Variants in CCP110 observed in about 807,000 individuals in gnomAD.
CCP110 encodes centriolar coiled-coil protein of 110 kDa.
A neutral mutation model predicts 105.5 loss-of-function variants in CCP110; 43 were observed. The observed-to-expected ratio is 0.41, with a 90% CI of 0.32 to 0.53. CCP110 has a LOEUF of 0.53. Ranked by LOEUF, CCP110 falls within the 20% of genes least tolerant of loss-of-function variation. The pLI, the probability that CCP110 is intolerant of heterozygous loss-of-function variation, is 0.32. For synonymous variants in CCP110, 353 were observed against 392.1 expected, an observed-to-expected ratio of 0.90 and a Z score of 1.18; for missense variants, 1,016 against 1,189.1, an observed-to-expected ratio of 0.85 and a Z score of 2.14.
exon 2 of CCP110, chr16:19,528,009 T>C: frequency 6.2e-7 from 1 of 1,610,016 alleles, no homozygotes; most frequent in Non-Finnish European, 8.5e-7. Flanking sequence ...GGAGTGGCTA[T>C]CCTTTCTCCA....
At chr16:19,550,635 T>C (rs2151486748) in intron 14 of CCP110, among the ~76,000 whole-genome samples, 1 of 152,352 alleles carries the variant, frequency 6.6e-6, no homozygotes, top group East Asian at 1.9e-4. Context: ...TTGCTCTAAA[T>C]GGAGGCAAAT....
chr16:19,541,933 C>A, exon 6 of CCP110: 1 of 1,604,348 alleles, frequency 6.2e-7, no homozygotes, highest in Non-Finnish European at 8.5e-7. Flanking sequence ...AAGGCAATGA[C>A]AGCGGAAGCC....
exon 2 of CCP110, chr16:19,527,927 C>G: frequency 6.2e-7 from 1 of 1,613,462 alleles, no homozygotes; most frequent in African/African-American, 1.3e-5. Flanking sequence ...TGCCAGAATA[C>G]AAGAAGCATC....
chr16:19,539,368 T>A (rs11074402), intron 4 of CCP110, among the ~76,000 whole-genome samples: 9 of 101,134 alleles, frequency 8.9e-5, no homozygotes, highest in Non-Finnish European at 1.2e-4. Flanking sequence ...TTTTTTTTTT[T>A]AATTTTTTTT....
intron 8 of CCP110, among the ~76,000 whole-genome samples, chr16:19,544,386 C>G (rs531888177): frequency 1.3e-5 from 2 of 152,266 alleles, no homozygotes; most frequent in African/African-American, 4.8e-5. Flanking sequence ...TCCTCTATCT[C>G]TGGGTTCCAC....
chr16:19,550,299 G>A (rs769838667), intron 14 of CCP110, among the ~76,000 whole-genome samples: 3 of 151,944 alleles, frequency 2.0e-5, no homozygotes, highest in Non-Finnish European at 4.4e-5. Flanking sequence ...TTACAGGCGC[G>A]TGCCACCATG....
At chr16:19,540,810 C>G in intron 5 of CCP110, 23 bp downstream of exon 5, 1 of 1,602,474 alleles carries the variant, frequency 6.2e-7, no homozygotes. Context: ...GAGGGAGATA[C>G]AACTGGTAAG....
At chr16:19,547,975 G>T (rs1480086313) in exon 13 of CCP110, 2 of 1,612,064 alleles carry the variant, frequency 1.2e-6, no homozygotes, top group Non-Finnish European at 1.7e-6. Context: ...CCAAACCAAG[G>T]ACAGAATGCA....
intron 2 of CCP110, among the ~76,000 whole-genome samples, chr16:19,531,230 G>A (rs906212557): frequency 2.0e-5 from 3 of 152,084 alleles, no homozygotes; most frequent in African/African-American, 7.2e-5. Context: ...TGTTGTGTAG[G>A]GTCTATGACT....
intron 14 of CCP110, among the ~76,000 whole-genome samples, 179 bp from the exon 14 acceptor site, chr16:19,551,017 G>C (rs1970620043): frequency 1.3e-5 from 2 of 152,148 alleles, no homozygotes; most frequent in Non-Finnish European, 2.9e-5. Context: ...CTATGCCTCA[G>C]TTTTATTATC....
In CCP110 at chr16:19,537,593, G is replaced by C. The variant is rs1219194114; in HGVS notation, c.1918+6G>C. On this transcript the variant is annotated splice_donor_region_variant and intron_variant, in intron 4 of 14. Transcript: ENST00000381396. ...GTTAGGAACTAGTTCCAAAGGTAAG[G>C]AATCTTTGAAGCGTTTGATACCTTC... 1.4e-6 allele frequency: 2 copies of C among 1,478,566 alleles called. No homozygotes were observed. Among genetic ancestry groups the C allele is most frequent in the Non-Finnish European group, 1.8e-6 (2 of 1,088,730 alleles). 91.6% of individuals were successfully genotyped at this position (1,478,566 alleles called of 1,614,324 possible).
chr16:19,536,649 T>C, exon 4 of CCP110: 2 of 1,614,174 alleles, frequency 1.2e-6, no homozygotes, highest in Middle Eastern at 1.6e-4. Flanking sequence ...GACATACCTA[T>C]ACGAACTGGC....
intron 1 of CCP110, among the ~76,000 whole-genome samples, chr16:19,527,576 T>C (rs1316495677): frequency 1.3e-5 from 2 of 152,208 alleles, no homozygotes; most frequent in African/African-American, 4.8e-5. Flanking sequence ...GAACTTTGTT[T>C]CCTTTAAGAA....
Position 19,548,684 on chromosome 16 carries a change from T to G in CCP110, c.2986+84T>G. 72 of 765,598 alleles carry G rather than the reference T, an allele frequency of 9.4e-5. No individual in the cohort carries two copies. Among genetic ancestry groups the G allele is most frequent in the Non-Finnish European group, 1.3e-4 (62 of 469,442 alleles). 47.4% of individuals were successfully genotyped at this position (765,598 alleles called of 1,614,324 possible). On this transcript the variant is annotated intron_variant, in intron 14 of 14. Transcript: ENST00000381396. This position sits in a 1 kb window ranked among gnomAD's most constrained non-coding sequence, Gnocchi z 4.1. ...CATAACTCAGGCCATAGAAGTGGAA[T>G]AGATTGTCTTTCCTTGCCACCATAA...
intron 12 of CCP110, 62 bp downstream of exon 12, chr16:19,546,536 G>T: frequency 5.1e-6 from 5 of 987,882 alleles, no homozygotes; most frequent in Non-Finnish European, 7.9e-6. Flanking sequence ...AAAAAAATTG[G>T]CTGGGCACGG....
chr16:19,542,781 A>T lies in CCP110; in HGVS notation c.2367+21A>T, dbSNP rs759506749. 22 of 1,598,744 alleles carry T rather than the reference A, an allele frequency of 1.4e-5. No individual in the cohort carries two copies. In the South Asian group the frequency reaches 1.9e-4, roughly 14 times the overall value. On this transcript the variant is annotated intron_variant, in intron 7 of 14. Transcript: ENST00000381396. ...CTCAAGTGGGTAAACTTAATGATAC[A>T]TGTCCATCTATCTATTTATCTTTTC... is the stretch of plus-strand genomic sequence containing the variant.
At chr16:19,552,335 G>C (rs891869443) in exon 15 of CCP110, 1 of 152,150 alleles carries the variant, frequency 6.6e-6, no homozygotes, top group Non-Finnish European at 1.5e-5. Context: ...TTTGAGACCA[G>C]CCTGACCAAA....
intron 1 of CCP110, among the ~76,000 whole-genome samples, chr16:19,527,645 A>G (rs1397933606): frequency 6.6e-6 from 1 of 152,190 alleles, no homozygotes; most frequent in Non-Finnish European, 1.5e-5. Context: ...ACATGCAATA[A>G]TATTCAGAAA....
At chr16:19,550,095 A>G (rs1970585491) in intron 14 of CCP110, among the ~76,000 whole-genome samples, 1 of 152,212 alleles carries the variant, frequency 6.6e-6, no homozygotes, top group African/African-American at 2.4e-5. Context: ...GTTGTTTTCT[A>G]AAGATTTACT....
Sources: gnomAD v4.1 joint callset for allele counts (sites outside exome capture counted in the v4.1 genomes callset) on GRCh38, gnomAD v4.1.1 for gene constraint, Gnocchi (gnomAD v3.1) non-coding constraint, MANE v1.5 for transcripts, NCBI Gene and HGNC (gene_info 2026-07-23, HGNC 2026-07-21) for gene names.